The following CPS1 variants were observed in gnomAD, a reference collection of about 807,000 sequenced individuals.
The protein encoded by CPS1 is carbamoyl-phosphate synthase [ammonia], mitochondrial.
Under a neutral mutation model 174.6 loss-of-function variants are expected in CPS1, and 109 were observed. The observed-to-expected ratio is 0.62, with a 90% confidence interval of 0.53 to 0.73. The LOEUF (loss-of-function observed/expected upper bound fraction) is 0.73, where lower values mean the gene tolerates loss of function less well. Ranked by LOEUF, CPS1 falls within the 30% of genes least tolerant of loss-of-function variation. CPS1 has a pLI of 0.00. For missense variants in CPS1, 1,689 were observed against 1,821.9 expected, an observed-to-expected ratio of 0.93 and a Z score of 1.33; for synonymous variants, 637 against 632.0, an observed-to-expected ratio of 1.01 and a Z score of -0.12.
intron 21 of CPS1, chr2:210,619,143 C>T (rs2105870446): frequency 6.6e-6 from 1 of 152,206 alleles, no homozygotes; most frequent in South Asian, 2.1e-4. Context: ...GTGGGGCTCT[C>T]ACTTGGGAAA....
At chr2:210,544,199 C>T (rs897249006) in intron 1 of CPS1, among the ~76,000 whole-genome samples, 2 of 152,192 alleles carry the variant, frequency 1.3e-5, no homozygotes, top group Non-Finnish European at 2.9e-5. Context: ...CACTTGTTAG[C>T]AGTTAAAGAA....
chr2:210,669,569 T>C (rs576476572), intron 34 of CPS1, among the ~76,000 whole-genome samples: 1 of 152,152 alleles, frequency 6.6e-6, no homozygotes, highest in Non-Finnish European at 1.5e-5. Context: ...TTACAGGTAG[T>C]GGCTTTGGAG....
At chr2:210,559,246 G>A (rs1340587554) in intron 1 of CPS1, among the ~76,000 whole-genome samples, 1 of 152,072 alleles carries the variant, frequency 6.6e-6, no homozygotes, top group Non-Finnish European at 1.5e-5. Flanking sequence ...GTAGCATTAT[G>A]TCCAGTTATA....
chr2:210,572,673 A>T (rs926902438), intron 1 of CPS1, among the ~76,000 whole-genome samples: 2 of 152,078 alleles, frequency 1.3e-5, no homozygotes, highest in African/African-American at 2.4e-5. Context: ...CTAATAAAAA[A>T]GCAAAATACA....
chr2:210,593,621 A>G (rs1698384177), intron 11 of CPS1: 3 of 985,370 alleles, frequency 3.0e-6, no homozygotes, highest in Non-Finnish European at 3.6e-6. Flanking sequence ...CCCCACACCC[A>G]GGGGCCTCCA....
intron 1 of CPS1, among the ~76,000 whole-genome samples, chr2:210,525,542 T>C (rs1695948550): frequency 6.6e-6 from 1 of 151,768 alleles, no homozygotes; most frequent in African/African-American, 2.4e-5. Flanking sequence ...TGCTTGATGA[T>C]GACTCAACAG....
chr2:210,634,861 T>G (rs993461210), intron 21 of CPS1, among the ~76,000 whole-genome samples: 3 of 152,230 alleles, frequency 2.0e-5, no homozygotes, highest in Non-Finnish European at 4.4e-5. Context: ...ATACGTGCCA[T>G]GTCCACTGCT....
chr2:210,668,071 C>T lies in CPS1; in HGVS notation c.4003-115C>T, dbSNP rs145922665. 3,969 of 648,958 alleles carry T rather than the reference C, an allele frequency of 6.1e-3. 24 individuals carry two copies. Among genetic ancestry groups the T allele is most frequent in the Non-Finnish European group, 8.4e-3 (3,191 of 379,272 alleles). The allele number at this position is 648,958 out of a possible 1,614,324, so 40.2% of individuals were successfully genotyped here. A position where few individuals can be genotyped will look rare whatever the true frequency, so the allele number is the denominator to read the frequency against. ...ATGAGTAAAGTACTTTCCATTTGTG[C>T]GTGCATGTGTGTGTGTGTGTGTGTG... is the stretch of plus-strand genomic sequence containing the variant. On this transcript the variant is annotated intron_variant, in intron 33 of 37. Transcript: ENST00000233072.
Position 210,606,714 on chromosome 2 carries a change from G to A in CPS1, c.1982-17G>A, listed in dbSNP as rs1246973701. 1 of 1,607,790 alleles carries A rather than the reference G, an allele frequency of 6.2e-7. No individual in the cohort carries two copies. The highest frequency in any genetic ancestry group is 8.5e-7 in the Non-Finnish European group (1 of 1,174,784). The stretch of plus-strand genomic sequence containing the variant: ...TTCAATATGCCACCAAGTAATGAGT[G>A]CTTCTTGGATATATAGGTGACTCAG... On this transcript the variant is annotated splice_polypyrimidine_tract_variant and intron_variant, in intron 17 of 37. Transcript: ENST00000233072.
At chr2:210,569,828 A>T (rs1697420006) in intron 1 of CPS1, among the ~76,000 whole-genome samples, 1 of 151,936 alleles carries the variant, frequency 6.6e-6, no homozygotes, top group African/African-American at 2.4e-5. Context: ...TCTTCTTTTC[A>T]TTAAGATTTC....
intron 1 of CPS1, among the ~76,000 whole-genome samples, chr2:210,521,662 A>G (rs1036623281): frequency 1.3e-5 from 2 of 151,992 alleles, no homozygotes; most frequent in Non-Finnish European, 2.9e-5. Context: ...TTTTATCTCC[A>G]TAAGTTTAAT....
At chr2:210,516,264 C>T (rs1695679323) in intron 1 of CPS1, among the ~76,000 whole-genome samples, 1 of 151,706 alleles carries the variant, frequency 6.6e-6, no homozygotes, top group Non-Finnish European at 1.5e-5. Flanking sequence ...AGTTTTCTGC[C>T]TCAATGATCT....
intron 5 of CPS1, among the ~76,000 whole-genome samples, chr2:210,582,097 T>C (rs1697939729): frequency 6.6e-6 from 1 of 152,184 alleles, no homozygotes; most frequent in African/African-American, 2.4e-5. Flanking sequence ...GATATGAACA[T>C]GCCTAAACAG....
chr2:210,672,985 T>C (rs1443012753), intron 34 of CPS1: 1 of 152,150 alleles, frequency 6.6e-6, no homozygotes, highest in Non-Finnish European at 1.5e-5. Flanking sequence ...TATTAGGGGG[T>C]GTTATGGGCT....
chr2:210,583,227 A>G (rs1374402438), intron 6 of CPS1, among the ~76,000 whole-genome samples: 1 of 152,160 alleles, frequency 6.6e-6, no homozygotes, highest in Non-Finnish European at 1.5e-5. Context: ...CCTAAAGTGA[A>G]ATATCTTTAG....
At chr2:210,619,288 A>C (rs1699425515) in intron 21 of CPS1, 1 of 152,136 alleles carries the variant, frequency 6.6e-6, no homozygotes, top group African/African-American at 2.4e-5. Flanking sequence ...TCAGACGTAC[A>C]TCACCTCTTT....
intron 1 of CPS1, among the ~76,000 whole-genome samples, chr2:210,539,955 A>G (rs1696356196): frequency 6.6e-6 from 1 of 152,108 alleles, no homozygotes. Flanking sequence ...TGTCATTTCT[A>G]CTACATTGCT....
chr2:210,512,971 T>TATATATATGGAGATACATATATGTGGAG (rs1695558571), intron 1 of CPS1, among the ~76,000 whole-genome samples: 1 of 42,118 alleles, frequency 2.4e-5, no homozygotes, highest in African/African-American at 5.7e-5. Context: ...TATATGGAGA[T>TATATATATGGAGATACATATATGTGGAG]ATATATATAT....
intron 1 of CPS1, among the ~76,000 whole-genome samples, chr2:210,520,763 G>A (rs1695800942): frequency 1.3e-5 from 2 of 152,040 alleles, no homozygotes; most frequent in East Asian, 1.9e-4. Flanking sequence ...CCATATTGTT[G>A]TGTTTGGCAA....
Sources: gnomAD v4.1 joint callset for allele counts (sites outside exome capture counted in the v4.1 genomes callset) on GRCh38, gnomAD v4.1.1 for gene constraint, MANE v1.5 for transcripts, NCBI Gene and HGNC (gene_info 2026-07-23, HGNC 2026-07-21) for gene names.